PFKM: variants seen among roughly 807,000 people sequenced by gnomAD.
The protein encoded by PFKM is phosphofructokinase, muscle.
PFKM carries 58 observed loss-of-function variants against 95.5 expected under a neutral mutation model. The observed-to-expected ratio is 0.61, with a 90% CI of 0.49 to 0.76. The LOEUF (loss-of-function observed/expected upper bound fraction) is 0.76. Ranked by LOEUF, PFKM falls within the 30% of genes least tolerant of loss-of-function variation. PFKM has a pLI of 0.00. For synonymous variants in PFKM, 336 were observed against 357.2 expected, an observed-to-expected ratio of 0.94 and a Z score of 0.67; for missense variants, 678 against 1,005.4, an observed-to-expected ratio of 0.67 and a Z score of 4.40.
rs375015331 is a variant in PFKM, at chr12:48,139,364, G to A, written c.1127+15G>A. On this transcript the variant is annotated intron_variant, in intron 12 of 22. Coordinates refer to ENST00000359794, the MANE Select transcript of PFKM (RefSeq NM_000289.6). The stretch of plus-strand genomic sequence containing the variant: ...CTGAGAGGCCGGTGAGGAGATGACG[G>A]GAAGCTCACTAGCTACAGAAATCAG... 6 of 1,604,130 alleles carry A rather than the reference G, an allele frequency of 3.7e-6. No homozygotes were observed. Among genetic ancestry groups the A allele is most frequent in the Non-Finnish European group, 5.1e-6 (6 of 1,171,232 alleles).
chr12:48,124,479 T>C (rs1398688639), intron 2 of PFKM, among the ~76,000 whole-genome samples: 2 of 152,168 alleles, frequency 1.3e-5, no homozygotes, highest in African/African-American at 4.8e-5. Context: ...CACAGAGTTA[T>C]AAAATGAAGA....
chr12:48,107,951 A>G, intron 2 of PFKM: 1 of 924,380 alleles, frequency 1.1e-6, no homozygotes, highest in Non-Finnish European at 1.6e-6. Flanking sequence ...CTAATTTTTC[A>G]CTGGATTTTT....
Position 48,107,987 on chromosome 12 carries a change from A to T in PFKM, c.83-85A>T, listed in dbSNP as rs1268747369. On this transcript the variant is annotated intron_variant, in intron 2 of 24. Coordinates refer to the PFKM transcript ENST00000340802. ...GGAAAGAAAGCCCTGGACAGCTCAG[A>T]GTCATAGGGAAAATGAAAGGGAGTA... The T allele has an allele frequency of 3.6e-6, 5 of 1,388,050 alleles. No homozygotes were observed. The African/African-American group carries it at 7.1e-5, about 20-fold the overall frequency. The allele number at this position is 1,388,050 out of a possible 1,614,324, so 86.0% of individuals were successfully genotyped here.
At chr12:48,112,215 G>C (rs968516847) in intron 3 of PFKM, among the ~76,000 whole-genome samples, 1 of 151,034 alleles carries the variant, frequency 6.6e-6, no homozygotes, top group Non-Finnish European at 1.5e-5. Flanking sequence ...AGCGGCGAAA[G>C]GATTTAGGAT....
chr12:48,108,086 A>G, exon 3 of PFKM: 1 of 1,599,396 alleles, frequency 6.3e-7, no homozygotes, highest in Non-Finnish European at 8.5e-7. Context: ...GGAAGCTTCT[A>G]CTTCCAGCAT....
intron 2 of PFKM, among the ~76,000 whole-genome samples, chr12:48,128,907 T>C (rs991263496): frequency 5.9e-5 from 9 of 152,222 alleles, no homozygotes; most frequent in Admixed American, 4.6e-4. Context: ...TAAGATTCCC[T>C]GTGCATCACC....
intron 6 of PFKM, 131 bp downstream of exon 6, chr12:48,133,611 C>A: frequency 1.3e-6 from 1 of 756,022 alleles, no homozygotes; most frequent in South Asian, 1.6e-5. Flanking sequence ...GGCTAGAACA[C>A]TATTTTTAAC....
chr12:48,142,285 C>T (rs577526321), intron 17 of PFKM: 1 of 588,432 alleles, frequency 1.7e-6, no homozygotes, highest in East Asian at 3.0e-5. Context: ...GCAGCCTGGC[C>T]AACATGGTGA....
At chr12:48,106,657 T>A (rs1946650139) in intron 1 of PFKM, 1 of 163,668 alleles carries the variant, frequency 6.1e-6, no homozygotes, top group Admixed American at 5.8e-5. Flanking sequence ...TTTCTTAACT[T>A]GCAATCCTGT....
At chr12:48,134,373 T>C in intron 7 of PFKM, 97 bp downstream of exon 7, 1 of 1,021,720 alleles carries the variant, frequency 9.8e-7, no homozygotes, top group Non-Finnish European at 1.6e-6. Context: ...TAGCAGCAGA[T>C]CTGGAGGTGC....
At chr12:48,126,162 A>G (rs566755991) in intron 2 of PFKM, among the ~76,000 whole-genome samples, 1 of 152,192 alleles carries the variant, frequency 6.6e-6, no homozygotes, top group Non-Finnish European at 1.5e-5. Flanking sequence ...TCTTGCTTCT[A>G]ATAAGTCAGA....
At chr12:48,142,689 A>G (rs1950681934) in intron 17 of PFKM, 93 bp from the exon 18 acceptor site, 4 of 1,205,686 alleles carry the variant, frequency 3.3e-6, no homozygotes, top group Non-Finnish European at 4.9e-6. Context: ...TGGAGAATAT[A>G]GTTCCAGGGT....
At chr12:48,142,192 G>T in intron 17 of PFKM, 126 bp downstream of exon 17, 1 of 1,023,752 alleles carries the variant, frequency 9.8e-7, no homozygotes, top group Non-Finnish European at 1.5e-6. Flanking sequence ...TGATTCTTCA[G>T]CTGGGCATGG....
At chr12:48,106,807 C>G (rs1946677483) in intron 1 of PFKM, among the ~76,000 whole-genome samples, 1 of 152,162 alleles carries the variant, frequency 6.6e-6, no homozygotes, top group African/African-American at 2.4e-5. Context: ...ACAGGCAGAG[C>G]TGTGAGGAAA....
chr12:48,139,937 TCCCCTTTTCCTTCTCCCTCC>T (rs1426250326), intron 13 of PFKM, 25 bp downstream of exon 13: 1 of 1,515,254 alleles, frequency 6.6e-7, no homozygotes, highest in Admixed American at 1.7e-5. Flanking sequence ...ACTTGCCCTC[TCCCCTTTTCCTTCTCCCTCC>T]CCCAGTCTCT....
chr12:48,115,198 G>T (rs182048806), upstream of PFKM, among the ~76,000 whole-genome samples: 1 of 152,134 alleles, frequency 6.6e-6, no homozygotes, highest in Non-Finnish European at 1.5e-5. Context: ...GCATCCCCAC[G>T]ATAATTAAAC....
At chr12:48,135,718 G>T (rs1051255707) in intron 10 of PFKM, among the ~76,000 whole-genome samples, 2 of 152,010 alleles carry the variant, frequency 1.3e-5, no homozygotes, top group African/African-American at 4.8e-5. Flanking sequence ...CATACCCTTT[G>T]CCCAGTTTCT....
Position 48,106,362 on chromosome 12 carries a change from C to T in PFKM, c.-10+225C>T, listed in dbSNP as rs1203377985. Reference sequence around the variant, plus strand: ...TTTCTCTGTTCCCTCTGCTCCCTTACCCGCCGCCTTCTGGTTCCGCCCGGC... The same window carrying T: ...TTTCTCTGTTCCCTCTGCTCCCTTATCCGCCGCCTTCTGGTTCCGCCCGGC... On this transcript the variant is annotated intron_variant, in intron 1 of 24. Coordinates refer to the PFKM transcript ENST00000340802. The T allele has an allele frequency of 8.2e-6, 4 of 489,166 alleles. No individual in the cohort carries two copies. In the East Asian group the frequency reaches 1.5e-4, roughly 18 times the overall value. 30.3% of individuals were successfully genotyped at this position (489,166 alleles called of 1,614,324 possible).
upstream of PFKM, chr12:48,105,902 G>A: frequency 1.6e-6 from 1 of 625,968 alleles, no homozygotes; most frequent in Non-Finnish European, 2.9e-6. Flanking sequence ...AGGAAAAGGC[G>A]CCGGCCCCAC....
Sources: allele counts gnomAD v4.1 joint callset (sites outside exome capture counted in the v4.1 genomes callset), GRCh38; gene constraint gnomAD v4.1.1; transcripts MANE v1.5; gene names NCBI Gene and HGNC (gene_info 2026-07-23, HGNC 2026-07-21).